Variants in PECAM1 observed in about 807,000 individuals in gnomAD.
The protein encoded by PECAM1 is platelet endothelial cell adhesion molecule.
A neutral mutation model predicts 13.8 loss-of-function variants in PECAM1; 8 were observed. The observed-to-expected ratio is 0.58, with a 90% CI of 0.34 to 1.05. The LOEUF is 1.05. Ranked by LOEUF, PECAM1 falls within the 50% of genes least tolerant of loss-of-function variation. PECAM1 has a pLI of 0.03. For synonymous variants in PECAM1, 136 were observed against 52.6 expected, an observed-to-expected ratio of 2.58 and a Z score of -6.86; for missense variants, 304 against 141.2, an observed-to-expected ratio of 2.15 and a Z score of -5.84.
intron 13 of PECAM1, among the ~76,000 whole-genome samples, chr17:64,343,078 TGTC>T (rs1309364103): frequency 2.0e-5 from 3 of 152,156 alleles, no homozygotes; most frequent in Middle Eastern, 6.3e-3. Flanking sequence ...AAGAGCCTGA[TGTC>T]GTGTGGGCCA....
At chr17:64,387,304 GC>G (rs1416387819) in intron 2 of PECAM1, among the ~76,000 whole-genome samples, 1 of 152,172 alleles carries the variant, frequency 6.6e-6, no homozygotes, top group Non-Finnish European at 1.5e-5. Context: ...CTGAGGCCAG[GC>G]TGCTGGGAGG....
intron 7 of PECAM1, 93 bp downstream of exon 7, chr17:64,360,047 T>C (rs1378884437): frequency 1.3e-5 from 6 of 474,490 alleles, no homozygotes; most frequent in South Asian, 7.0e-5. Flanking sequence ...CCACCGCACC[T>C]GGCCCCCTAC....
chr17:64,342,648 C>T (rs2035463977), intron 13 of PECAM1, among the ~76,000 whole-genome samples: 1 of 151,992 alleles, frequency 6.6e-6, no homozygotes, highest in Admixed American at 6.6e-5. Flanking sequence ...CCCTAATATG[C>T]AGACAGGGCT....
chr17:64,372,939 A>G (rs1462433630), intron 4 of PECAM1, among the ~76,000 whole-genome samples: 1 of 150,276 alleles, frequency 6.7e-6, no homozygotes, highest in Non-Finnish European at 1.5e-5. Flanking sequence ...ACATGGAGAA[A>G]CCCCATCTCA....
intron 2 of PECAM1, among the ~76,000 whole-genome samples, chr17:64,387,186 G>A (rs2036612439): frequency 6.6e-6 from 1 of 152,192 alleles, no homozygotes; most frequent in Non-Finnish European, 1.5e-5. Context: ...TCAAAGGCAG[G>A]AAAGGGGTAC....
chr17:64,387,527 AGTG>A lies in PECAM1; in HGVS notation c.91+2959_91+2961del, dbSNP rs1310091796. Among the ~76,000 whole-genome samples the A allele has an allele frequency of 2.0e-5, 3 of 152,058 alleles. No homozygotes were observed. The East Asian group carries it at 5.8e-4, about 29-fold the overall frequency. On this transcript the variant is annotated intron_variant, in intron 2 of 15. Transcript: ENST00000563924. ...CAGAAGCAGAAATAGAGATTCTAGAAGTGGTGGTAGGGGAGAGGGACTTGAATG... is the reference window on the plus strand; with the variant it reads ...CAGAAGCAGAAATAGAGATTCTAGAAGTGGTAGGGGAGAGGGACTTGAATG...
rs142171877 is a variant in PECAM1, at chr17:64,327,292, G to A, written c.2187+2408C>T. Among the ~76,000 whole-genome samples, 69 of 152,344 alleles carry A rather than the reference G, an allele frequency of 4.5e-4. No homozygotes were observed. The East Asian group carries it at 0.011, about 25-fold the overall frequency. On this transcript the variant is annotated intron_variant, in intron 15 of 15. Coordinates refer to ENST00000563924, the MANE Select transcript of PECAM1 (RefSeq NM_000442.5). ...ACCAGCTTTTATATGGTGGTTTGCA[G>A]CTTGCAGCTTTTATATGGTGGTTGC...
intron 10 of PECAM1, 133 bp downstream of exon 10, chr17:64,353,358 C>T: frequency 2.5e-6 from 1 of 404,216 alleles, no homozygotes; most frequent in Non-Finnish European, 4.5e-6. Context: ...ACACACAACT[C>T]ACACCCAAGG....
At chr17:64,373,906 T>C (rs2036298172) in intron 4 of PECAM1, among the ~76,000 whole-genome samples, 1 of 152,180 alleles carries the variant, frequency 6.6e-6, no homozygotes, top group Non-Finnish European at 1.5e-5. Context: ...TGGGAGTGGC[T>C]GACTACCTGT....
At chr17:64,334,523 T>A (rs958738295) in intron 14 of PECAM1, among the ~76,000 whole-genome samples, 347 of 152,166 alleles carry the variant, frequency 2.3e-3, no homozygotes, top group African/African-American at 8.0e-3. Flanking sequence ...CAATTTTTTT[T>A]TTTGAGATGG....
chr17:64,351,883 G>A (rs1008026307), intron 11 of PECAM1, among the ~76,000 whole-genome samples: 2 of 152,208 alleles, frequency 1.3e-5, no homozygotes, highest in South Asian at 4.1e-4. Context: ...TCATTCAGCT[G>A]AGCTGACCCT....
chr17:64,380,977 C>G (rs2036470185), intron 2 of PECAM1, among the ~76,000 whole-genome samples: 1 of 152,212 alleles, frequency 6.6e-6, no homozygotes, highest in Non-Finnish European at 1.5e-5. Context: ...AAGACTCTGT[C>G]TGCAAAAACA....
In PECAM1 at chr17:64,325,988, G is replaced by T. The variant is rs192761445; in HGVS notation, c.2188-2143C>A. Among the ~76,000 whole-genome samples, 497 of 152,284 alleles carry T rather than the reference G, an allele frequency of 3.3e-3. 5 individuals are homozygous for T. Among genetic ancestry groups the T allele is most frequent in the African/African-American group, 0.011 (467 of 41,562 alleles). ...CACTATGAAGTAGAAGGTATAAGAG[G>T]TCTCAACAAACTGCAGAAGGGGTTC... is the stretch of plus-strand genomic sequence containing the variant. On this transcript the variant is annotated intron_variant, in intron 15 of 15. Transcript: ENST00000563924.
chr17:64,366,266 G>A (rs1383104215), intron 5 of PECAM1, among the ~76,000 whole-genome samples: 28 of 151,780 alleles, frequency 1.8e-4, no homozygotes, highest in Admixed American at 1.7e-3. Context: ...AATCAAAACC[G>A]CTATGAGATA....
chr17:64,331,610 A>AGGAAGCTCTGCATAGGTGGT (rs1417700256), intron 14 of PECAM1, among the ~76,000 whole-genome samples: 2 of 152,250 alleles, frequency 1.3e-5, no homozygotes, highest in African/African-American at 4.8e-5. Context: ...CAATGAGAGC[A>AGGAAGCTCTGCATAGGTGGT]GGAAGCTCTG....
chr17:64,377,323 CT>C (rs2036382070), intron 3 of PECAM1, among the ~76,000 whole-genome samples: 1 of 152,056 alleles, frequency 6.6e-6, no homozygotes, highest in African/African-American at 2.4e-5. Context: ...TGAGTTGAGT[CT>C]TGAAGAAGAA....
chr17:64,327,262 G>A (rs1447601843), intron 15 of PECAM1, among the ~76,000 whole-genome samples: 1 of 152,232 alleles, frequency 6.6e-6, no homozygotes, highest in African/African-American at 2.4e-5. Flanking sequence ...AAGAGCTTGA[G>A]ATCAACCAGC....
rs7220554 is a variant in PECAM1 at position 64,329,647 on chromosome 17, T to C, written c.2187+53A>G. 5,449 of 729,672 alleles carry C rather than the reference T, an allele frequency of 7.5e-3. 235 individuals carry two copies. In the African/African-American group the frequency reaches 0.083, roughly 11 times the overall value. The allele number at this position is 729,672 out of a possible 1,614,324, so 45.2% of individuals were successfully genotyped here. On this transcript the variant is annotated intron_variant, in intron 15 of 15. Transcript: ENST00000563924. ...GGACGTGGGTGAGTCTGGAAATATTTCACTGTTCAGTGGAGTACTTTTAAA... is the reference window on the plus strand; with the variant it reads ...GGACGTGGGTGAGTCTGGAAATATTCCACTGTTCAGTGGAGTACTTTTAAA...
chr17:64,373,084 C>T (rs2036277990), intron 4 of PECAM1, among the ~76,000 whole-genome samples: 1 of 150,334 alleles, frequency 6.7e-6, no homozygotes, highest in Non-Finnish European at 1.5e-5. Flanking sequence ...TGTACTCGAG[C>T]CTGGGCAACA....
Sources: gnomAD v4.1 joint callset for allele counts (sites outside exome capture counted in the v4.1 genomes callset) on GRCh38, gnomAD v4.1.1 for gene constraint, MANE v1.5 for transcripts, NCBI Gene and HGNC (gene_info 2026-07-23, HGNC 2026-07-21) for gene names.